RNF126: variants seen among roughly 807,000 people sequenced by gnomAD.
RNF126 encodes the protein ring finger protein 126.
A neutral mutation model predicts 41.9 loss-of-function variants in RNF126; 20 were observed. That is an observed-to-expected ratio of 0.48 (90% CI 0.34 to 0.69). RNF126 has a LOEUF of 0.69. RNF126 is among the 30% of genes least tolerant of loss of function. The pLI is 0.01. For missense variants in RNF126, 433 were observed against 460.6 expected (o/e 0.94, Z 0.55); for synonymous variants, 239 against 202.9 (o/e 1.18, Z -1.51).
chr19:652,223 G>A lies in RNF126; in HGVS notation c.198+10C>T, dbSNP rs201838516. 314 of 1,522,114 alleles carry A rather than the reference G, an allele frequency of 2.1e-4. No homozygotes were observed. The African/African-American group carries it at 4.0e-3, about 19-fold the overall frequency. 94.3% of individuals were successfully genotyped at this position (1,522,114 alleles called of 1,614,324 possible). ...ACACGATCGGGAAGCACGAGGGGCG[G>A]GCGACTCACCTCCAACGGTGGCCGG... is the stretch of plus-strand genomic sequence containing the variant. On this transcript the variant is annotated intron_variant, in intron 3 of 8. Transcript: ENST00000292363.
Position 648,029 on chromosome 19 carries a change from A to G in RNF126, c.*99T>C. The G allele has an allele frequency of 7.4e-7, 1 of 1,347,802 alleles. No homozygotes were observed. Among genetic ancestry groups the G allele is most frequent in the Non-Finnish European group, 9.9e-7 (1 of 1,014,378 alleles). 83.5% of individuals were successfully genotyped at this position (1,347,802 alleles called of 1,614,324 possible). A position where few individuals can be genotyped will look rare whatever the true frequency, so the allele number is the denominator to read the frequency against. ...CGGGACCTGCAGCGCTGACCAGCCA[A>G]GCGTGGCGCCGCCGGGGCACCCAGT... is the stretch of plus-strand genomic sequence containing the variant. On this transcript the variant is annotated 3_prime_UTR_variant, in exon 9 of 9. Transcript: ENST00000292363.
chr19:649,458 A>C, intron 6 of RNF126: 1 of 563,464 alleles, frequency 1.8e-6, no homozygotes, highest in Non-Finnish European at 3.2e-6. Flanking sequence ...TTTTGCTACA[A>C]CGTTCCGCGT....
intron 4 of RNF126, 121 bp downstream of exon 4, chr19:651,490 G>C: frequency 2.9e-6 from 3 of 1,048,488 alleles, no homozygotes; most frequent in Non-Finnish European, 3.8e-6. Flanking sequence ...TGGCCGGGCG[G>C]CCTCTCCAGA....
Position 652,002 on chromosome 19 carries a change from G to A in RNF126, c.199-147C>T, listed in dbSNP as rs1211511097. 1.1e-5 allele frequency: 8 copies of A among 759,466 alleles called. No individual in the cohort carries two copies. The African/African-American group carries it at 1.4e-4, about 14-fold the overall frequency. 47.0% of individuals were successfully genotyped at this position (759,466 alleles called of 1,614,324 possible). On this transcript the variant is annotated intron_variant, in intron 3 of 8. Transcript: ENST00000292363. Reference sequence around the variant, plus strand: ...GACGCAGACAGGGAGGCAGGAATTGGGCAGAGCCTGCCCCGCTGGTGTGAG... The same window carrying A: ...GACGCAGACAGGGAGGCAGGAATTGAGCAGAGCCTGCCCCGCTGGTGTGAG...
rs145549398 is a variant in RNF126, at chr19:659,832, C to G, written c.75+3215G>C. 0.02 allele frequency among the ~76,000 whole-genome samples: 3,080 copies of G among 150,972 alleles called. 101 individuals carry two copies. The highest frequency in any genetic ancestry group is 0.069 in the African/African-American group (2,819 of 41,042). ...AGGCTGGACTGCAGTGGCACAATCT[C>G]GGCTCACTGCAACCTCCGCCTTCCA... On this transcript the variant is annotated intron_variant, in intron 1 of 8. Coordinates refer to ENST00000292363, the MANE Select transcript of RNF126 (RefSeq NM_194460.3). This position sits in a 1 kb window ranked among gnomAD's most constrained non-coding sequence, Gnocchi z 4.9.
At position 657,329 on chromosome 19, in the gene RNF126, G is replaced by C. The variant is rs1600640382; in HGVS notation, c.76-4445C>G. On this transcript the variant is annotated intron_variant, in intron 1 of 8. Coordinates refer to ENST00000292363, the MANE Select transcript of RNF126 (RefSeq NM_194460.3). ...CTCTGTGCATCACTGGCTTTCTGTC[G>C]GGCTCCCGGGTTCCCGTCTCAGTCC... Among the ~76,000 whole-genome samples the C allele has an allele frequency of 2.6e-5, 4 of 152,208 alleles. No individual in the cohort carries two copies. The South Asian group carries it at 8.3e-4, about 31-fold the overall frequency.
At chr19:652,497 G>A (rs2030358523) in intron 2 of RNF126, 1 of 604,396 alleles carries the variant, frequency 1.7e-6, no homozygotes, top group East Asian at 2.8e-5. Context: ...ATAAACCGGT[G>A]CAGACCCCAA....
chr19:651,814 T>C lies in RNF126; in HGVS notation c.240A>G (p.Gly80=), dbSNP rs1284699343. The C allele has an allele frequency of 1.2e-6, 2 of 1,612,250 alleles. No homozygotes were observed. The highest frequency in any genetic ancestry group is 1.3e-5 in the African/African-American group (1 of 74,866). ...CATCGAAGATGCCGAAAGCAAACTG[T>C]CCGTAGCCCTGCGGCAGCGTGAACA... ...QHLFTLPQGY[G]QFAFGIFDDS... is the part of the protein sequence containing the mutation. The change falls in exon 4 of 9, where the codon GGA becomes GGG. Residue 80 remains glycine, a synonymous_variant. Transcript: ENST00000292363.
chr19:650,317 C>T, intron 4 of RNF126, 21 bp from the exon 5 acceptor site: 1 of 1,567,306 alleles, frequency 6.4e-7, no homozygotes, highest in East Asian at 2.3e-5. Context: ...GAGCGCCAGT[C>T]ACGGGGTGAG....
rs2030302113 is a variant in RNF126, at chr19:651,709, G to T, written c.345C>A (p.Asp115Glu). Residue 115 changes from aspartate (D) to glutamate (E), a missense_variant, in exon 4 of 9, where the codon GAC (aspartate) becomes GAA (glutamate). This residue lies in a region of RNF126 where 247 missense variants were observed against 224.7 expected (regional missense o/e 1.10). Coordinates refer to ENST00000292363, the MANE Select transcript of RNF126 (RefSeq NM_194460.3). ...CGCCGTACCGGTGCCGGGACGGATG[G>T]TCTCTCTCCCGCCGGCTCTCAGGGT... ...GRDPESRRER[D>E]HPSRHRYGAR... 6.2e-7 allele frequency: 1 copy of T among 1,608,348 alleles called. No individual in the cohort carries two copies. Among genetic ancestry groups the T allele is most frequent in the Admixed American group, 1.7e-5 (1 of 59,596 alleles).
intron 1 of RNF126, among the ~76,000 whole-genome samples, chr19:654,586 T>C (rs2144767043): frequency 1.6e-5 from 2 of 123,954 alleles, no homozygotes; most frequent in African/African-American, 3.2e-5. Flanking sequence ...GAGGTTGCAG[T>C]GAGCTGAGAT....
chr19:647,987 TCCTGCCCTGGAACAGGCGGGA>T lies in RNF126; in HGVS notation c.*120_*140del. The T allele has an allele frequency of 9.3e-7, 1 of 1,075,226 alleles. No individual in the cohort carries two copies. The highest frequency in any genetic ancestry group is 1.3e-6 in the Non-Finnish European group (1 of 772,202). The allele number at this position is 1,075,226 out of a possible 1,614,324, so 66.6% of individuals were successfully genotyped here. A position where few individuals can be genotyped will look rare whatever the true frequency, so the allele number is the denominator to read the frequency against. On this transcript the variant is annotated 3_prime_UTR_variant, in exon 9 of 9. Coordinates refer to ENST00000292363, the MANE Select transcript of RNF126 (RefSeq NM_194460.3). ...AGGGGGCCGGTGGGCCGGGCCCGGG[TCCTGCCCTGGAACAGGCGGGA>T]CCTGCAGCGCTGACCAGCCAAGCGT...
rs368836566 is a variant in RNF126, at chr19:652,214, C to T, written c.198+19G>A. The T allele has an allele frequency of 2.4e-4, 363 of 1,510,614 alleles. No homozygotes were observed. Among genetic ancestry groups the T allele is most frequent in the African/African-American group, 2.9e-4 (20 of 70,056 alleles). The allele number at this position is 1,510,614 out of a possible 1,614,324, so 93.6% of individuals were successfully genotyped here. ...GCAAGGCTGACACGATCGGGAAGCA[C>T]GAGGGGCGGGCGACTCACCTCCAAC... On this transcript the variant is annotated intron_variant, in intron 3 of 8. Coordinates refer to ENST00000292363, the MANE Select transcript of RNF126 (RefSeq NM_194460.3).
At chr19:656,584 GTTGCAGTGAGCCGAGATCATACCA>G (rs2030569422) in intron 1 of RNF126, among the ~76,000 whole-genome samples, 1 of 152,112 alleles carries the variant, frequency 6.6e-6, no homozygotes, top group Non-Finnish European at 1.5e-5. Flanking sequence ...GCAGGCAGAG[GTTGCAGTGAGCCGAGATCATACCA>G]CTGCACTCCA....
intron 1 of RNF126, among the ~76,000 whole-genome samples, chr19:660,337 A>G (rs774901524): frequency 6.6e-6 from 1 of 152,252 alleles, no homozygotes; most frequent in African/African-American, 2.4e-5. Context: ...AGAGCCCAGG[A>G]CAGCAAAGGA....
chr19:649,159 C>T, intron 6 of RNF126, 184 bp from the exon 7 acceptor site: 1 of 323,866 alleles, frequency 3.1e-6, no homozygotes, highest in Non-Finnish European at 5.7e-6. Flanking sequence ...CTCCTGGGTC[C>T]CCTGACGGTG....
chr19:657,723 C>G (rs2030619539), intron 1 of RNF126, among the ~76,000 whole-genome samples: 1 of 152,218 alleles, frequency 6.6e-6, no homozygotes, highest in African/African-American at 2.4e-5. Flanking sequence ...TGTCAGGGCT[C>G]TGGGCTGTCT....
intron 2 of RNF126, 115 bp downstream of exon 2, chr19:652,711 C>T: frequency 1.1e-6 from 1 of 924,048 alleles, no homozygotes. Flanking sequence ...GAGCCACAGA[C>T]ACCAGGGCCT....
At position 648,263 on chromosome 19, in the gene RNF126, G is replaced by A. The variant is rs754159720; in HGVS notation, c.801C>T (p.Pro267=). ...VPWLEQHDSC[P]VCRKSLTGQN... The stretch of plus-strand genomic sequence containing the variant: ...GTCCCGTGAGGCTTTTTCGGCAGAC[G>A]GGGCAGCTGTCGTGCTTTGTGGGGA... Residue 267 remains proline (P), a synonymous_variant, in exon 9 of 9, where the codon CCC becomes CCT. Transcript: ENST00000292363. 25 of 1,571,470 alleles carry A rather than the reference G, an allele frequency of 1.6e-5. No homozygotes were observed. Among genetic ancestry groups the A allele is most frequent in the East Asian group, 1.2e-4 (5 of 42,448 alleles).
Sources: gnomAD v4.1 joint callset for allele counts (sites outside exome capture counted in the v4.1 genomes callset) on GRCh38, gnomAD v4.1.1 for gene constraint, gnomAD v4.1.1 regional missense constraint, Gnocchi (gnomAD v3.1) non-coding constraint, MANE v1.5 for transcripts, NCBI Gene and HGNC (gene_info 2026-07-23, HGNC 2026-07-21) for gene names.